Variants in RAB5A observed in about 807,000 individuals in gnomAD.
RAB5A encodes the protein RAB5A, member RAS oncogene family.
RAB5A carries 8 observed loss-of-function variants against 25.7 expected under a neutral mutation model. The ratio of observed to expected loss-of-function variants is 0.31; its 90% confidence interval spans 0.18 to 0.56. The LOEUF is 0.56. Ranked by LOEUF, RAB5A falls within the 20% of genes least tolerant of loss-of-function variation. RAB5A has a pLI of 0.91. For missense variants in RAB5A, 192 were observed against 259.7 expected (o/e 0.74, Z 1.79); for synonymous variants, 98 against 89.8 (o/e 1.09, Z -0.52).
At chr3:19,969,102 AG>A (rs1696707951) in intron 2 of RAB5A, among the ~76,000 whole-genome samples, 1 of 143,846 alleles carries the variant, frequency 7.0e-6, no homozygotes. Context: ...TGGGGTGCAA[AG>A]GCACGATCTT....
Position 19,958,072 on chromosome 3 carries a change from G to C in RAB5A, c.163+7011G>C, listed in dbSNP as rs1025993966. ...TTATTTAATGTGCTTTTACCTTTTT[G>C]CATGTGCACATTGTTAAAAGTGCTT... is the stretch of plus-strand genomic sequence containing the variant. On this transcript the variant is annotated intron_variant, in intron 2 of 5. Coordinates refer to ENST00000273047, the MANE Select transcript of RAB5A (RefSeq NM_004162.5). Among the ~76,000 whole-genome samples the C allele has an allele frequency of 2.6e-5, 4 of 151,982 alleles. No individual in the cohort carries two copies. The East Asian group carries it at 5.8e-4, about 22-fold the overall frequency.
intron 1 of RAB5A, 56 bp from the exon 2 acceptor site, chr3:19,950,750 A>G (rs1183729446): frequency 1.4e-6 from 1 of 698,316 alleles, no homozygotes; most frequent in African/African-American, 1.8e-5. Context: ...TAAAGTGATT[A>G]ATAGTAAATT....
chr3:19,964,129 A>G (rs1396924234), intron 2 of RAB5A, among the ~76,000 whole-genome samples: 1 of 152,230 alleles, frequency 6.6e-6, no homozygotes, highest in Non-Finnish European at 1.5e-5. Flanking sequence ...CCTGGTATGC[A>G]AAATAGCTTG....
At chr3:19,952,526 A>T (rs567990896) in intron 2 of RAB5A, among the ~76,000 whole-genome samples, 1 of 152,244 alleles carries the variant, frequency 6.6e-6, no homozygotes, top group Non-Finnish European at 1.5e-5. Context: ...TTCTGCAAAT[A>T]TACTTGAGAA....
At chr3:19,978,951 T>C (rs9835991) in intron 5 of RAB5A, 18,258 of 152,054 alleles carry the variant, frequency 0.12, 1,163 homozygotes, top group Middle Eastern at 0.21. Context: ...TCATTTGATC[T>C]TACACAATGT....
chr3:19,953,778 A>C (rs1328605602), intron 2 of RAB5A, among the ~76,000 whole-genome samples: 1 of 152,188 alleles, frequency 6.6e-6, no homozygotes, highest in Admixed American at 6.5e-5. Context: ...TTCAGGAGGT[A>C]TGACAGTACC....
intron 2 of RAB5A, chr3:19,970,722 G>A: frequency 2.6e-6 from 1 of 389,900 alleles, no homozygotes; most frequent in East Asian, 7.3e-5. Flanking sequence ...ATTCAGGTAA[G>A]TTTGTGGTTG....
intron 2 of RAB5A, among the ~76,000 whole-genome samples, chr3:19,967,818 T>C (rs1026214589): frequency 5.3e-5 from 8 of 152,162 alleles, no homozygotes; most frequent in Non-Finnish European, 1.0e-4. Context: ...ATGTAACTCT[T>C]CCCTAACTAC....
At chr3:19,967,492 A>C (rs1275043327) in intron 2 of RAB5A, among the ~76,000 whole-genome samples, 1 of 152,028 alleles carries the variant, frequency 6.6e-6, no homozygotes, top group East Asian at 1.9e-4. Context: ...GAGTTGTAGG[A>C]GTTCCTTACA....
chr3:19,955,230 C>A (rs544282752), intron 2 of RAB5A, among the ~76,000 whole-genome samples: 1 of 152,234 alleles, frequency 6.6e-6, no homozygotes, highest in East Asian at 1.9e-4. Context: ...ACCACAGTTA[C>A]AATTTTGTAT....
chr3:19,976,669 G>C (rs992466713), intron 4 of RAB5A, among the ~76,000 whole-genome samples: 1 of 152,170 alleles, frequency 6.6e-6, no homozygotes, highest in Admixed American at 6.5e-5. Context: ...TGGGCAACAA[G>C]AGCAAAACTC....
chr3:19,952,518 C>T (rs1192236190), intron 2 of RAB5A, among the ~76,000 whole-genome samples: 1 of 152,198 alleles, frequency 6.6e-6, no homozygotes, highest in African/African-American at 2.4e-5. Context: ...GAATGCTCTT[C>T]TGCAAATATA....
Position 19,984,153 on chromosome 3 carries a change from C to G in RAB5A, c.*330C>G, listed in dbSNP as rs116062133. On this transcript the variant is annotated 3_prime_UTR_variant, in exon 6 of 6. Transcript: ENST00000273047. Reference sequence around the variant, plus strand: ...CAGTTAACCAGCCCATTTCTCCACACTGGTACAGTAGTCACCTGTGAAAAA... The same window carrying G: ...CAGTTAACCAGCCCATTTCTCCACAGTGGTACAGTAGTCACCTGTGAAAAA... 6.1e-5 allele frequency: 25 copies of G among 406,970 alleles called. No homozygotes were observed. Among genetic ancestry groups the G allele is most frequent in the Non-Finnish European group, 8.2e-5 (18 of 219,966 alleles). The allele number at this position is 406,970 out of a possible 1,614,324, so 25.2% of individuals were successfully genotyped here.
At chr3:19,964,646 C>G (rs1046974696) in intron 2 of RAB5A, among the ~76,000 whole-genome samples, 1 of 152,158 alleles carries the variant, frequency 6.6e-6, no homozygotes, top group Non-Finnish European at 1.5e-5. Flanking sequence ...TTGTTTGAGA[C>G]GGAGTCACCC....
chr3:19,957,487 TACTAA>T (rs1447486986), intron 2 of RAB5A, among the ~76,000 whole-genome samples: 11 of 91,216 alleles, frequency 1.2e-4, no homozygotes, highest in African/African-American at 4.8e-4. Context: ...ACCCCATCCT[TACTAA>T]AAAAAAAAAA....
chr3:19,959,857 C>T (rs1304985837), intron 2 of RAB5A, among the ~76,000 whole-genome samples: 1 of 152,100 alleles, frequency 6.6e-6, no homozygotes, highest in Non-Finnish European at 1.5e-5. Flanking sequence ...AAACTCCTGA[C>T]CTCAAGTGAT....
At chr3:19,955,798 G>T (rs1696492629) in intron 2 of RAB5A, among the ~76,000 whole-genome samples, 1 of 152,126 alleles carries the variant, frequency 6.6e-6, no homozygotes, top group South Asian at 2.1e-4. Context: ...GGCTGAGGCA[G>T]GAGATTCGCT....
chr3:19,961,456 T>C (rs1696583452), intron 2 of RAB5A, among the ~76,000 whole-genome samples: 1 of 152,344 alleles, frequency 6.6e-6, no homozygotes, highest in East Asian at 1.9e-4. Flanking sequence ...TTAAATAATA[T>C]GTAGTATTTG....
At chr3:19,960,783 C>T (rs753168746) in intron 2 of RAB5A, among the ~76,000 whole-genome samples, 1 of 152,144 alleles carries the variant, frequency 6.6e-6, no homozygotes, top group Non-Finnish European at 1.5e-5. Context: ...ATTCATCCTC[C>T]GTTTGAGGAA....
Sources: gnomAD v4.1 joint callset for allele counts (sites outside exome capture counted in the v4.1 genomes callset) on GRCh38, gnomAD v4.1.1 for gene constraint, MANE v1.5 for transcripts, NCBI Gene and HGNC (gene_info 2026-07-23, HGNC 2026-07-21) for gene names.